Variants in CELF2 observed in about 807,000 individuals in gnomAD.
The protein encoded by CELF2 is CUG triplet repeat RNA-binding protein 2.
Under a neutral mutation model 62.6 loss-of-function variants are expected in CELF2, and 8 were observed. The observed-to-expected ratio is 0.13, with a 90% CI of 0.07 to 0.23. The LOEUF is 0.23. Ranked by LOEUF, CELF2 falls within the 10% of genes least tolerant of loss-of-function variation. The probability of loss-of-function intolerance (pLI) is 1.00; values close to 1 mark genes in which losing one functional copy is unlikely to be tolerated. For missense variants in CELF2, 333 were observed against 671.0 expected (o/e 0.50, Z 5.56); for synonymous variants, 258 against 250.0 (o/e 1.03, Z -0.30).
intron 3 of CELF2, among the ~76,000 whole-genome samples, chr10:11,219,556 C>G (rs2064216971): frequency 6.6e-6 from 1 of 152,146 alleles, no homozygotes; most frequent in Non-Finnish European, 1.5e-5. Flanking sequence ...AAAGTCAGAT[C>G]TGATTTGTAA....
chr10:10,497,684 A>G, the CELF2 span, among the ~76,000 whole-genome samples: 1 of 152,194 alleles, frequency 6.6e-6, no homozygotes, highest in Non-Finnish European at 1.5e-5. Context: ...GGGCAAGGCC[A>G]TGGAGCAGGG....
the CELF2 span, among the ~76,000 whole-genome samples, chr10:10,501,405 C>T: frequency 3.3e-5 from 5 of 152,132 alleles, no homozygotes; most frequent in Non-Finnish European, 7.4e-5. Context: ...CGCGTATCCT[C>T]TTTCATTAAA....
At chr10:11,074,728 G>A (rs2071325990) in intron 1 of CELF2, among the ~76,000 whole-genome samples, 2 of 152,146 alleles carry the variant, frequency 1.3e-5, no homozygotes, top group Non-Finnish European at 2.9e-5. Context: ...TAACCATTCT[G>A]AGTGTCACAA....
intron 1 of CELF2, among the ~76,000 whole-genome samples, chr10:11,023,589 A>C (rs2058686003): frequency 6.6e-6 from 1 of 152,254 alleles, no homozygotes; most frequent in African/African-American, 2.4e-5. Flanking sequence ...TTTTTCATTT[A>C]GTGAGAGCTT....
chr10:11,281,534 C>G (rs1488299359), intron 8 of CELF2, among the ~76,000 whole-genome samples: 1 of 152,076 alleles, frequency 6.6e-6, no homozygotes, highest in African/African-American at 2.4e-5. Flanking sequence ...CAGAAGCAGG[C>G]AAGGATCACT....
chr10:11,213,123 A>C (rs560873762), intron 2 of CELF2, among the ~76,000 whole-genome samples: 1 of 151,996 alleles, frequency 6.6e-6, no homozygotes, highest in Admixed American at 6.6e-5. Flanking sequence ...CTCTCACTCC[A>C]CTCCATGGAC....
At chr10:10,843,087 CATA>C (rs1348193428) in intron 1 of CELF2, among the ~76,000 whole-genome samples, 2 of 151,884 alleles carry the variant, frequency 1.3e-5, no homozygotes, top group Non-Finnish European at 2.9e-5. Flanking sequence ...TAGGGTTGTT[CATA>C]ATATTTCTTT....
intron 4 of CELF2, among the ~76,000 whole-genome samples, chr10:11,254,303 G>A (rs1565575454): frequency 1.3e-5 from 2 of 152,236 alleles, no homozygotes; most frequent in Non-Finnish European, 2.9e-5. Flanking sequence ...GAGCAACTTT[G>A]GCTAGTAAGA....
intron 8 of CELF2, among the ~76,000 whole-genome samples, chr10:11,281,753 A>T (rs563942093): frequency 3.9e-5 from 6 of 152,206 alleles, no homozygotes; most frequent in Non-Finnish European, 8.8e-5. Context: ...CAAAAAATAT[A>T]TATGTATGTT....
At chr10:11,022,234 G>C (rs187886992) in intron 1 of CELF2, among the ~76,000 whole-genome samples, 1 of 152,110 alleles carries the variant, frequency 6.6e-6, no homozygotes, top group African/African-American at 2.4e-5. Flanking sequence ...AGATTGCTCC[G>C]TTAACAGCAC....
At chr10:10,522,396 A>G in the CELF2 span, among the ~76,000 whole-genome samples, 1 of 152,202 alleles carries the variant, frequency 6.6e-6, no homozygotes, top group Non-Finnish European at 1.5e-5. Flanking sequence ...TCATGAATAC[A>G]TGAAATGTGC....
At chr10:10,862,840 G>T (rs751865203) in intron 1 of CELF2, among the ~76,000 whole-genome samples, 1 of 152,134 alleles carries the variant, frequency 6.6e-6, no homozygotes, top group Non-Finnish European at 1.5e-5. Context: ...AAATATTCAT[G>T]ATTACACAAA....
the CELF2 span, among the ~76,000 whole-genome samples, chr10:10,702,247 AC>A: frequency 1.3e-5 from 2 of 152,238 alleles, no homozygotes; most frequent in African/African-American, 4.8e-5. Context: ...GGAAACAGCC[AC>A]AAAACAAATG....
the CELF2 span, among the ~76,000 whole-genome samples, chr10:10,546,204 C>T: frequency 6.6e-6 from 1 of 152,204 alleles, no homozygotes; most frequent in Non-Finnish European, 1.5e-5. Flanking sequence ...GAAACCCTGC[C>T]TGCCGATAAC....
chr10:11,319,940 G>A lies in CELF2; in HGVS notation c.1097-1249G>A, dbSNP rs1357263103. The A allele has an allele frequency of 2.1e-6, 1 of 465,344 alleles. No homozygotes were observed. Among genetic ancestry groups the A allele is most frequent in the African/African-American group, 2.0e-5 (1 of 49,958 alleles). The allele number at this position is 465,344 out of a possible 1,614,324, so 28.8% of individuals were successfully genotyped here. ...CTGCCGGATTCTCTGGTGTTTCCAGGCAGCCTTACCTTAGCTGTCCTCCAT... is the reference window on the plus strand; with the variant it reads ...CTGCCGGATTCTCTGGTGTTTCCAGACAGCCTTACCTTAGCTGTCCTCCAT... On this transcript the variant is annotated intron_variant, in intron 10 of 12. Coordinates refer to ENST00000633077, the MANE Select transcript of CELF2 (RefSeq NM_001326342.2). The surrounding 1 kb of genome is among the most constrained non-coding windows in gnomAD (Gnocchi z 4.4).
intron 9 of CELF2, among the ~76,000 whole-genome samples, chr10:11,295,755 G>A (rs1350740719): frequency 1.3e-5 from 2 of 152,230 alleles, no homozygotes; most frequent in East Asian, 3.9e-4. Context: ...GAGAACAGTA[G>A]TTGGAAACAG....
chr10:10,547,448 A>G, the CELF2 span, among the ~76,000 whole-genome samples: 1 of 152,210 alleles, frequency 6.6e-6, no homozygotes, highest in Non-Finnish European at 1.5e-5. Flanking sequence ...TCTCAAACGG[A>G]TAGCACAGGA....
rs74697116 is a variant in CELF2, at chr10:11,305,482, C to G, written c.977-8657C>G. The stretch of plus-strand genomic sequence containing the variant: ...GACTCCAGTCTAGTTCACAGTTTGC[C>G]TGGGAGGATCCCACCTGCAGTAAAA... On this transcript the variant is annotated intron_variant, in intron 9 of 12. Coordinates refer to ENST00000633077, the MANE Select transcript of CELF2 (RefSeq NM_001326342.2). The surrounding 1 kb of genome is among the most constrained non-coding windows in gnomAD (Gnocchi z 4.8). Among the ~76,000 whole-genome samples, 3,971 of 152,352 alleles carry G rather than the reference C, an allele frequency of 0.026. 82 individuals are homozygous for G. Among genetic ancestry groups the G allele is most frequent in the Middle Eastern group, 0.071 (21 of 294 alleles).
At chr10:11,294,087 G>A (rs2092862508) in intron 9 of CELF2, among the ~76,000 whole-genome samples, 1 of 152,212 alleles carries the variant, frequency 6.6e-6, no homozygotes, top group Non-Finnish European at 1.5e-5. Flanking sequence ...ACAATCATAT[G>A]AAGCAGTCTT....
Sources: gnomAD v4.1 joint callset for allele counts (sites outside exome capture counted in the v4.1 genomes callset) on GRCh38, gnomAD v4.1.1 for gene constraint, Gnocchi (gnomAD v3.1) non-coding constraint, MANE v1.5 for transcripts, NCBI Gene and HGNC (gene_info 2026-07-23, HGNC 2026-07-21) for gene names.